The following CELF6 variants were observed in gnomAD, a reference collection of about 807,000 sequenced individuals.
CELF6 encodes the protein CUGBP Elav-like family member 6.
CELF6 carries 32 observed loss-of-function variants against 53.1 expected under a neutral mutation model. That is an observed-to-expected ratio of 0.60 (90% CI 0.46 to 0.81). The LOEUF is 0.81. CELF6 is among the 30% of genes least tolerant of loss of function. CELF6 has a pLI of 0.00. For missense variants in CELF6, 539 were observed against 669.5 expected (o/e 0.81, Z 2.15); for synonymous variants, 291 against 288.8 (o/e 1.01, Z -0.08).
Position 72,319,757 on chromosome 15 carries a change from T to C in CELF6, c.118A>G (p.Met40Val), listed in dbSNP as rs141628783. 6 of 1,598,528 alleles carry C rather than the reference T, an allele frequency of 3.8e-6. No homozygotes were observed. In the African/African-American group the frequency reaches 4.0e-5, roughly 11 times the overall value. ...AGCTTGATGGCGTCGTGGTCCTTCATGGGTACGGCGGGACCGGGGTTTAGC... is the reference window on the plus strand; with the variant it reads ...AGCTTGATGGCGTCGTGGTCCTTCACGGGTACGGCGGGACCGGGGTTTAGC... ...SGLNPGPAVPMKDHDAIKLFV... is the reference protein window; with the variant it reads ...SGLNPGPAVPVKDHDAIKLFV... The change falls in exon 1 of 13, where the codon ATG becomes GTG. Residue 40 changes from methionine (M) to valine (V), a missense_variant. Around this residue, in one of 3 missense-constraint regions of CELF6, gnomAD observed 84 missense variants for 87.9 expected, o/e 0.96. Transcript: ENST00000287202. This position sits in a 1 kb window ranked among gnomAD's most constrained non-coding sequence, Gnocchi z 5.0.
At chr15:72,317,647 T>C (rs940157644) in intron 1 of CELF6, among the ~76,000 whole-genome samples, 1 of 152,106 alleles carries the variant, frequency 6.6e-6, no homozygotes, top group Non-Finnish European at 1.5e-5. Flanking sequence ...ATGAGGAAGA[T>C]GTTGACTTGG....
At position 72,311,933 on chromosome 15, in the gene CELF6, C is replaced by A. The variant is rs142685464; in HGVS notation, c.345+3912G>T. ...TTTTGCCCCCATCTGCCCTCTCTAC[C>A]CAAGCTGTTTTGTGCAGGGCACAAC... On this transcript the variant is annotated intron_variant, in intron 2 of 12. Coordinates refer to ENST00000287202, the MANE Select transcript of CELF6 (RefSeq NM_052840.5). 2.5e-3 allele frequency among the ~76,000 whole-genome samples: 385 copies of A among 152,330 alleles called. 2 individuals are homozygous for A. The highest frequency in any genetic ancestry group is 8.9e-3 in the African/African-American group (372 of 41,576).
At chr15:72,318,446 T>C (rs1327247159) in intron 1 of CELF6, among the ~76,000 whole-genome samples, 1 of 152,164 alleles carries the variant, frequency 6.6e-6, no homozygotes, top group Non-Finnish European at 1.5e-5. Flanking sequence ...TGGTGACTCT[T>C]TCCCAGCAAA....
chr15:72,304,478 G>C (rs1275261749), intron 3 of CELF6, among the ~76,000 whole-genome samples: 1 of 152,066 alleles, frequency 6.6e-6, no homozygotes, highest in African/African-American at 2.4e-5. Flanking sequence ...CTCTCTCCAA[G>C]GGTAAGTGGC....
intron 2 of CELF6, among the ~76,000 whole-genome samples, chr15:72,312,863 A>G (rs994251176): frequency 2.6e-5 from 4 of 152,262 alleles, no homozygotes; most frequent in African/African-American, 9.6e-5. Flanking sequence ...GCCTAAGGCC[A>G]GGCGACTAAA....
In CELF6 at chr15:72,288,326, T is replaced by G. The variant is rs1056443116; in HGVS notation, c.1300A>C (p.Asn434His). The change falls in exon 11 of 13, where the codon AAC becomes CAC. Residue 434 changes from asparagine to histidine, a missense_variant. Transcript: ENST00000287202. The surrounding 1 kb of genome is among the most constrained non-coding windows in gnomAD (Gnocchi z 4.6). ...AGCTCACCAAAACACTTGCTCTGGT[T>G]GGTGGCTCGATCCACAAAGACTTTA... is the stretch of plus-strand genomic sequence containing the variant. Reference protein sequence around the residue: ...SAKVFVDRATNQSKCFGFVSF... With the variant: ...SAKVFVDRATHQSKCFGFVSF... 6.2e-7 allele frequency: 1 copy of G among 1,614,006 alleles called. No homozygotes were observed. Among genetic ancestry groups the G allele is most frequent in the Non-Finnish European group, 8.5e-7 (1 of 1,180,024 alleles).
At chr15:72,316,795 A>G (rs536153967) in intron 1 of CELF6, among the ~76,000 whole-genome samples, 2 of 152,308 alleles carry the variant, frequency 1.3e-5, no homozygotes, top group South Asian at 4.1e-4. Flanking sequence ...TATTTATTGA[A>G]CACTTACTTA....
At chr15:72,295,267 G>A (rs1428354922) in intron 3 of CELF6, among the ~76,000 whole-genome samples, 1 of 151,928 alleles carries the variant, frequency 6.6e-6, no homozygotes, top group Admixed American at 6.6e-5. Context: ...CCTGGGAGGT[G>A]GAGGTTTGCA....
chr15:72,291,125 C>T (rs2088001139), intron 3 of CELF6, among the ~76,000 whole-genome samples: 1 of 152,210 alleles, frequency 6.6e-6, no homozygotes, highest in African/African-American at 2.4e-5. Flanking sequence ...CCTGGATTGC[C>T]ACCAGAGAAC....
intron 1 of CELF6, among the ~76,000 whole-genome samples, chr15:72,318,809 G>A (rs896885120): frequency 6.6e-6 from 1 of 152,202 alleles, no homozygotes; most frequent in African/African-American, 2.4e-5. Flanking sequence ...AAGAGGCACA[G>A]GAGTGAGGGG....
rs144640284 is a variant in CELF6 at position 72,303,302 on chromosome 15, A to G, written c.394+1444T>C. Among the ~76,000 whole-genome samples, 5 of 152,352 alleles carry G rather than the reference A, an allele frequency of 3.3e-5. No homozygotes were observed. In the East Asian group the frequency reaches 9.6e-4, roughly 29 times the overall value. On this transcript the variant is annotated intron_variant, in intron 3 of 12. Transcript: ENST00000287202. ...CTCAAAAACCTGACTGGAAAGAATA[A>G]AAAGGGAAAGGAGAATGTGTGTGTG...
chr15:72,306,994 T>G (rs1595783461), intron 2 of CELF6, among the ~76,000 whole-genome samples: 2 of 145,516 alleles, frequency 1.4e-5, no homozygotes, highest in African/African-American at 2.6e-5. Flanking sequence ...AGAGGAAGGG[T>G]AAGGAAGCGG....
intron 2 of CELF6, among the ~76,000 whole-genome samples, chr15:72,311,461 G>A (rs1316467230): frequency 6.7e-6 from 1 of 150,148 alleles, no homozygotes; most frequent in East Asian, 2.0e-4. Flanking sequence ...GGAGTGCAGC[G>A]ATGCGATCTT....
chr15:72,301,568 G>A (rs766693782), intron 3 of CELF6, among the ~76,000 whole-genome samples: 6 of 152,108 alleles, frequency 3.9e-5, no homozygotes, highest in Non-Finnish European at 7.3e-5. Context: ...GAAGACACAG[G>A]CTTACTGGCG....
intron 2 of CELF6, among the ~76,000 whole-genome samples, chr15:72,313,436 A>C (rs977301200): frequency 6.6e-6 from 1 of 152,224 alleles, no homozygotes; most frequent in Non-Finnish European, 1.5e-5. Flanking sequence ...ATCTCTACTA[A>C]AATTACAAAA....
rs545324874 is a variant in CELF6, at chr15:72,288,166, C to A, written c.1318+142G>T. 4.9e-4 allele frequency: 454 copies of A among 934,720 alleles called. No homozygotes were observed. Among genetic ancestry groups the A allele is most frequent in the Non-Finnish European group, 6.3e-4 (368 of 588,544 alleles). 57.9% of individuals were successfully genotyped at this position (934,720 alleles called of 1,614,324 possible). A position where few individuals can be genotyped will look rare whatever the true frequency, so the allele number is the denominator to read the frequency against. On this transcript the variant is annotated intron_variant, in intron 11 of 12. Transcript: ENST00000287202. The surrounding 1 kb of genome is among the most constrained non-coding windows in gnomAD (Gnocchi z 4.6). Reference sequence around the variant, plus strand: ...GCTTGTTGTTGGCCTAAACTTAGGCCCATCACTGGTTTGTGACCCTGTTTT... The same window carrying A: ...GCTTGTTGTTGGCCTAAACTTAGGCACATCACTGGTTTGTGACCCTGTTTT...
rs571738634 is a variant in CELF6 at position 72,289,711 on chromosome 15, C to A, written c.663G>T (p.Arg221=). 5.4e-6 allele frequency: 8 copies of A among 1,483,738 alleles called. No homozygotes were observed. The South Asian group carries it at 9.1e-5, about 17-fold the overall frequency. The allele number at this position is 1,483,738 out of a possible 1,614,324, so 91.9% of individuals were successfully genotyped here. The change falls in exon 6 of 13, where the codon CGG becomes CGT. Residue 221 remains arginine (R), a synonymous_variant. Coordinates refer to ENST00000287202, the MANE Select transcript of CELF6 (RefSeq NM_052840.5). The surrounding 1 kb of genome is among the most constrained non-coding windows in gnomAD (Gnocchi z 7.6). ...LADTDRERAL[R]RMQQMAGHLG... ...GGTGGCCGGCCATCTGCTGCATCCG[C>A]CGCAGCGCGCGCTCCCGGTCGGTGT... is the stretch of plus-strand genomic sequence containing the variant.
chr15:72,316,802 C>G (rs1486201521), intron 1 of CELF6, among the ~76,000 whole-genome samples: 1 of 152,098 alleles, frequency 6.6e-6, no homozygotes, highest in African/African-American at 2.4e-5. Flanking sequence ...TGAACACTTA[C>G]TTATTATGGT....
intron 3 of CELF6, among the ~76,000 whole-genome samples, chr15:72,300,519 G>A (rs2088139275): frequency 6.6e-6 from 1 of 152,172 alleles, no homozygotes; most frequent in South Asian, 2.1e-4. Flanking sequence ...TCAAGTGACA[G>A]AAGACAAAGT....
Sources: gnomAD v4.1 joint callset for allele counts (sites outside exome capture counted in the v4.1 genomes callset) on GRCh38, gnomAD v4.1.1 for gene constraint, gnomAD v4.1.1 regional missense constraint, Gnocchi (gnomAD v3.1) non-coding constraint, MANE v1.5 for transcripts, NCBI Gene and HGNC (gene_info 2026-07-23, HGNC 2026-07-21) for gene names.